Variants in MICAL1 observed in about 807,000 individuals in gnomAD.
MICAL1 encodes microtubule associated monooxygenase, calponin and LIM domain containing 1.
A neutral mutation model predicts 131.8 loss-of-function variants in MICAL1; 95 were observed. The observed-to-expected ratio is 0.72, with a 90% CI of 0.61 to 0.86. The LOEUF is 0.86. Ranked by LOEUF, MICAL1 falls within the 40% of genes least tolerant of loss-of-function variation. The pLI is 0.00. For synonymous variants in MICAL1, 546 were observed against 554.2 expected (o/e 0.99, Z 0.21); for missense variants, 1,292 against 1,380.6 (o/e 0.94, Z 1.02).
chr6:109,459,381 A>G (rs963495145), upstream of MICAL1, among the ~76,000 whole-genome samples: 14 of 152,202 alleles, frequency 9.2e-5, no homozygotes, highest in Non-Finnish European at 1.9e-4. Flanking sequence ...GGCAAGTGAC[A>G]TGGTATAGTG....
At chr6:109,446,105 C>A in intron 19 of MICAL1, 31 bp downstream of exon 19, 2 of 1,526,582 alleles carry the variant, frequency 1.3e-6, no homozygotes, top group South Asian at 2.6e-5. Flanking sequence ...CTGTCCCACC[C>A]TGGGTCAGCA....
intron 13 of MICAL1, 72 bp downstream of exon 13, chr6:109,448,127 CCTCT>C (rs1338724149): frequency 6.0e-5 from 77 of 1,286,076 alleles, no homozygotes; most frequent in Non-Finnish European, 7.6e-5. Context: ...CCGCCTTCTC[CCTCT>C]GTCACACACA....
chr6:109,444,244 G>A lies in MICAL1; in HGVS notation c.3151C>T (p.Gln1051Ter), dbSNP rs757758020. The A allele has an allele frequency of 1.5e-5, 24 of 1,613,540 alleles. No individual in the cohort carries two copies. Among genetic ancestry groups the A allele is most frequent in the Non-Finnish European group, 1.9e-5 (22 of 1,180,024 alleles). ...AGCTCGCTGAGCCTGCGCTCCTCCTGGAAGCGGATGAGGGCATCTCTCTGG... is the reference window on the plus strand; with the variant it reads ...AGCTCGCTGAGCCTGCGCTCCTCCTAGAAGCGGATGAGGGCATCTCTCTGG... ...VNQRDALIRF[Q>*]EERRLSELAL... is the part of the protein sequence containing the mutation. Residue 1051 changes from glutamine to a stop codon, truncating the protein, a stop_gained, in exon 25 of 25, where the codon CAG becomes TAG. Transcript: ENST00000358807. LOFTEE classifies it high-confidence loss of function.
intron 6 of MICAL1, 133 bp downstream of exon 6, chr6:109,452,113 T>C: frequency 6.9e-7 from 1 of 1,453,136 alleles, no homozygotes; most frequent in Non-Finnish European, 9.0e-7. Context: ...AGGTTCCTTC[T>C]CCTTTGCTGC....
rs755953337 is a variant in MICAL1, at chr6:109,454,193, C to T, written c.4G>A (p.Ala2Thr). The change falls in exon 2 of 25, where the codon GCT becomes ACT. Residue 2 changes from alanine (A) to threonine (T), a missense_variant. Ala to Thr is a moderately conservative substitution (Grantham distance 58). Coordinates refer to ENST00000358807, the MANE Select transcript of MICAL1 (RefSeq NM_022765.4). Reference protein sequence around the residue: MASPTSTNPAHA... With the variant: MTSPTSTNPAHA... ...GCTGGGTTGGTGGAGGTAGGTGAAG[C>T]CATGGAGGCCTCCTGGGGAGGGCAG... 6.3e-7 allele frequency: 1 copy of T among 1,596,144 alleles called. No homozygotes were observed. The highest frequency in any genetic ancestry group is 1.8e-5 in the Admixed American group (1 of 57,044).
chr6:109,447,587 G>A, intron 15 of MICAL1, 94 bp downstream of exon 15: 2 of 1,590,642 alleles, frequency 1.3e-6, no homozygotes, highest in Non-Finnish European at 1.7e-6. Flanking sequence ...CCTGGGGTGG[G>A]GAACAAGACA....
chr6:109,444,784 T>C lies in MICAL1; in HGVS notation c.2996A>G (p.Asn999Ser). The stretch of plus-strand genomic sequence containing the variant: ...CAGCTGCCACTGTTTCTCCTCCAGA[T>C]TCAATTCCTGCACCCTGTGGAGGTC... ...AELMITVQEL[N>S]LEEKQWQLDQ... The change falls in exon 24 of 25, where the codon AAT (asparagine) becomes AGT (serine). Residue 999 changes from asparagine to serine, a missense_variant. Asn to Ser is a conservative substitution (Grantham distance 46). Coordinates refer to ENST00000358807, the MANE Select transcript of MICAL1 (RefSeq NM_022765.4). 1 of 1,614,174 alleles carries C rather than the reference T, an allele frequency of 6.2e-7. No homozygotes were observed. The highest frequency in any genetic ancestry group is 1.7e-5 in the Admixed American group (1 of 60,026).
At chr6:109,455,839 T>G, upstream of MICAL1, 5 of 985,418 alleles carry the variant, frequency 5.1e-6, no homozygotes, top group Non-Finnish European at 4.8e-6. The surrounding 1 kb of genome is among the most constrained non-coding windows in gnomAD (Gnocchi z 4.7). Context: ...GATGCTGGGA[T>G]GCGGGGCGGC....
chr6:109,460,521 A>AGTACACACACAC (rs1775858849), upstream of MICAL1, among the ~76,000 whole-genome samples: 1 of 69,692 alleles, frequency 1.4e-5, no homozygotes, highest in African/African-American at 8.8e-5. Context: ...TATATATATA[A>AGTACACACACAC]ATACACACAC....
In MICAL1 at chr6:109,454,066, C is replaced by G; in HGVS notation, c.131G>C (p.Gly44Ala). 6.2e-7 allele frequency: 1 copy of G among 1,614,024 alleles called. No individual in the cohort carries two copies. The highest frequency in any genetic ancestry group is 8.5e-7 in the Non-Finnish European group (1 of 1,180,006). Residue 44 changes from glycine to alanine, a missense_variant, in exon 2 of 25, where the codon GGG becomes GCG. By Grantham distance (60) the Gly-to-Ala change is moderately conservative (BLOSUM62 0). Coordinates refer to ENST00000358807, the MANE Select transcript of MICAL1 (RefSeq NM_022765.4). Reference protein sequence around the residue: ...CGALGLEPGGGLPQYHKIKDQ... With the variant: ...CGALGLEPGGALPQYHKIKDQ... ...CTTGATCTTGTGGTACTGGGGCAGCCCCCCACCGGGTTCCAGCCCCAGGGC... is the reference window on the plus strand; with the variant it reads ...CTTGATCTTGTGGTACTGGGGCAGCGCCCCACCGGGTTCCAGCCCCAGGGC...
intron 1 of MICAL1, among the ~76,000 whole-genome samples, chr6:109,461,188 G>A (rs1291843082): frequency 1.4e-5 from 2 of 138,206 alleles, no homozygotes; most frequent in Non-Finnish European, 3.0e-5. Context: ...TCCCATCTAT[G>A]AGTGAGAACA....
intron 1 of MICAL1, among the ~76,000 whole-genome samples, chr6:109,461,718 T>C (rs1416199642): frequency 6.6e-6 from 1 of 152,118 alleles, no homozygotes; most frequent in African/African-American, 2.4e-5. Context: ...ACTTAATAAG[T>C]GGGAAATAAA....
Position 109,445,427 on chromosome 6 carries a change from A to T in MICAL1, c.2776T>A (p.Cys926Ser). The T allele has an allele frequency of 2.5e-6, 4 of 1,614,048 alleles. No individual in the cohort carries two copies. The highest frequency in any genetic ancestry group is 3.4e-6 in the Non-Finnish European group (4 of 1,180,034). Residue 926 changes from cysteine (C) to serine (S), a missense_variant, in exon 21 of 25, where the codon TGC becomes AGC. Transcript: ENST00000358807. ...RAKEEEMKRFCKAQTIQRRLN... is the reference protein window; with the variant it reads ...RAKEEEMKRFSKAQTIQRRLN... ...CCCCCGGGCTTCACCTGGGCCTTGC[A>T]GAACCTCTTCATCTCCTCCTCCTTC...
chr6:109,450,066 G>A lies in MICAL1; in HGVS notation c.1211C>T (p.Thr404Ile). The A allele has an allele frequency of 6.2e-7, 1 of 1,614,002 alleles. No individual in the cohort carries two copies. The highest frequency in any genetic ancestry group is 1.3e-5 in the African/African-American group (1 of 75,022). Reference protein sequence around the residue: ...CLVEPFWPLGTGVARGFLAAF... With the variant: ...CLVEPFWPLGIGVARGFLAAF... ...TGCCAGGAAGCCCCGTGCCACTCCAGTGCCCAGGGGCCAGAAGGGCTGCAG... is the reference window on the plus strand; with the variant it reads ...TGCCAGGAAGCCCCGTGCCACTCCAATGCCCAGGGGCCAGAAGGGCTGCAG... Residue 404 changes from threonine to isoleucine, a missense_variant, in exon 9 of 25, where the codon ACT becomes ATT. Thr to Ile is a moderately conservative substitution (Grantham distance 89). Coordinates refer to ENST00000358807, the MANE Select transcript of MICAL1 (RefSeq NM_022765.4).
Position 109,452,589 on chromosome 6 carries a change from G to C in MICAL1, c.598C>G (p.Pro200Ala). 1 of 1,613,036 alleles carries C rather than the reference G, an allele frequency of 6.2e-7. No individual in the cohort carries two copies. The highest frequency in any genetic ancestry group is 1.3e-5 in the African/African-American group (1 of 74,970). ...TTGGCCAGCTGGGCAGGGGGGTTGG[G>C]TTGGAGCTGGGCACGCCAGCCACTC... Reference protein sequence around the residue: ...KGSGWRAQLQPNPPAQLANYE... With the variant: ...KGSGWRAQLQANPPAQLANYE... The change falls in exon 5 of 25, where the codon CCC (proline) becomes GCC (alanine). Residue 200 changes from proline (P) to alanine (A), a missense_variant. Coordinates refer to ENST00000358807, the MANE Select transcript of MICAL1 (RefSeq NM_022765.4).
rs1214484386 is a variant in MICAL1, at chr6:109,447,708, A to G, written c.1959T>C (p.Asp653=). ...QRSRAKENAE[D]AGGKKLRLEM... ...CCAAGCGCAGCTTCTTGCCACCAGCATCCTCTGCATTTTCCTGCAATAAGT... is the reference window on the plus strand; with the variant it reads ...CCAAGCGCAGCTTCTTGCCACCAGCGTCCTCTGCATTTTCCTGCAATAAGT... Residue 653 remains aspartate, a synonymous_variant, in exon 15 of 25, where the codon GAT becomes GAC. Coordinates refer to ENST00000358807, the MANE Select transcript of MICAL1 (RefSeq NM_022765.4). 2 of 1,613,936 alleles carry G rather than the reference A, an allele frequency of 1.2e-6. No individual in the cohort carries two copies. The highest frequency in any genetic ancestry group is 2.7e-5 in the African/African-American group (2 of 74,888).
rs761764223 is a variant in MICAL1 at position 109,452,336 on chromosome 6, G to A, written c.742C>T (p.Arg248Cys). The change falls in exon 6 of 25, where the codon CGC (arginine) becomes TGC (cysteine). Residue 248 changes from arginine (R) to cysteine (C), a missense_variant. Coordinates refer to ENST00000358807, the MANE Select transcript of MICAL1 (RefSeq NM_022765.4). ...GGCACCTGTGTCTCCTCCACGGTGCGTCCATTCACAAAGTTGGCTGTGATG... is the reference window on the plus strand; with the variant it reads ...GGCACCTGTGTCTCCTCCACGGTGCATCCATTCACAAAGTTGGCTGTGATG... ...IGITANFVNG[R>C]TVEETQVPEI... 1.1e-5 allele frequency: 17 copies of A among 1,614,066 alleles called. No homozygotes were observed. Among genetic ancestry groups the A allele is most frequent in the East Asian group, 2.2e-5 (1 of 44,888 alleles).
Position 109,449,688 on chromosome 6 carries a change from T to C in MICAL1, c.1403A>G (p.Asn468Ser), listed in dbSNP as rs1048108863. The change falls in exon 10 of 25, where the codon AAC becomes AGC. Residue 468 changes from asparagine (N) to serine (S), a missense_variant. Physicochemically the swap from Asn to Ser is conservative, Grantham distance 46 (BLOSUM62 1). Transcript: ENST00000358807. The stretch of plus-strand genomic sequence containing the variant: ...GGGGGTCACTGCCCGGAGGTTCAGG[T>C]TGGGGTAGCGGGTGGCTGGGTCCAG... ...YGLDPATRYP[N>S]LNLRAVTPNQ... 2 of 1,585,182 alleles carry C rather than the reference T, an allele frequency of 1.3e-6. No individual in the cohort carries two copies. Among genetic ancestry groups the C allele is most frequent in the African/African-American group, 2.7e-5 (2 of 74,258 alleles).
rs1350218344 is a variant in MICAL1, at chr6:109,449,797, G to A, written c.1308-14C>T. 2.8e-5 allele frequency: 45 copies of A among 1,603,746 alleles called. No homozygotes were observed. Among genetic ancestry groups the A allele is most frequent in the Non-Finnish European group, 3.7e-5 (43 of 1,175,358 alleles). ...TACAGGCTCTCACTGAGGGGGTGAG[G>A]GTAAGGGGCAGGGGCATGAATGGGA... On this transcript the variant is annotated splice_polypyrimidine_tract_variant and intron_variant, in intron 9 of 24. Coordinates refer to ENST00000358807, the MANE Select transcript of MICAL1 (RefSeq NM_022765.4).
Sources: allele counts gnomAD v4.1 joint callset (sites outside exome capture counted in the v4.1 genomes callset), GRCh38; gene constraint gnomAD v4.1.1; non-coding constraint Gnocchi (gnomAD v3.1); transcripts MANE v1.5; gene names NCBI Gene and HGNC (gene_info 2026-07-23, HGNC 2026-07-21).